PCDH15: variants seen among roughly 807,000 people sequenced by gnomAD.
The protein encoded by PCDH15 is protocadherin-15.
A neutral mutation model predicts 178.5 loss-of-function variants in PCDH15; 129 were observed. The observed-to-expected ratio is 0.72, with a 90% confidence interval of 0.63 to 0.84. The LOEUF (loss-of-function observed/expected upper bound fraction) is 0.84, where lower values mean the gene tolerates loss of function less well. PCDH15 is among the 40% of genes least tolerant of loss of function. The probability of loss-of-function intolerance (pLI) is 0.00; values close to 1 mark genes in which losing one functional copy is unlikely to be tolerated. For synonymous variants in PCDH15, 800 were observed against 732.0 expected (o/e 1.09, Z -1.50); for missense variants, 2,230 against 2,099.9 (o/e 1.06, Z -1.21).
chr10:54,204,968 T>G (rs2050636577), intron 10 of PCDH15, among the ~76,000 whole-genome samples: 1 of 152,186 alleles, frequency 6.6e-6, no homozygotes, highest in African/African-American at 2.4e-5. Flanking sequence ...ATATCTGACA[T>G]GTATCTGCTG....
chr10:54,789,880 T>C (rs904549663), intron 1 of PCDH15, among the ~76,000 whole-genome samples: 1 of 151,948 alleles, frequency 6.6e-6, no homozygotes, highest in Non-Finnish European at 1.5e-5. Flanking sequence ...AAGGTCATAA[T>C]TATTTAAAGC....
chr10:54,923,545 A>G (rs1837546530), intron 2 of PCDH15, among the ~76,000 whole-genome samples: 1 of 137,956 alleles, frequency 7.2e-6, no homozygotes, highest in African/African-American at 2.5e-5. Context: ...CCTTGTGAGT[A>G]CATGTGAGCT....
At chr10:54,952,553 T>TGATTGA (rs1838371808) in intron 2 of PCDH15, among the ~76,000 whole-genome samples, 2 of 151,822 alleles carry the variant, frequency 1.3e-5, no homozygotes, top group South Asian at 4.1e-4. Context: ...CTTGGGATTT[T>TGATTGA]GATTGAGATT....
intron 2 of PCDH15, among the ~76,000 whole-genome samples, chr10:54,561,455 A>G (rs964486184): frequency 6.6e-6 from 1 of 152,184 alleles, no homozygotes; most frequent in Non-Finnish European, 1.5e-5. Context: ...TTAATCAGGG[A>G]CTTCTGGCTT....
chr10:54,206,320 T>C (rs1277506729), intron 10 of PCDH15, among the ~76,000 whole-genome samples: 1 of 152,140 alleles, frequency 6.6e-6, no homozygotes, highest in Non-Finnish European at 1.5e-5. Flanking sequence ...CTCTCACTTA[T>C]CACCGACATG....
intron 1 of PCDH15, among the ~76,000 whole-genome samples, chr10:55,309,453 G>C (rs1159102868): frequency 6.6e-6 from 1 of 151,696 alleles, no homozygotes; most frequent in Non-Finnish European, 1.5e-5. Context: ...GTAGGTCGAG[G>C]CTGCAGCGAG....
At chr10:54,603,805 A>G (rs1422620881) in intron 2 of PCDH15, among the ~76,000 whole-genome samples, 1 of 151,918 alleles carries the variant, frequency 6.6e-6, no homozygotes, top group Non-Finnish European at 1.5e-5. Flanking sequence ...AGATTTTACA[A>G]TTTCACATTC....
chr10:54,421,897 A>ATATATATATACAC lies in PCDH15; in HGVS notation c.158-42956_158-42955insGTGTATATATATA, dbSNP rs1955522032. 1.2e-4 allele frequency among the ~76,000 whole-genome samples: 9 copies of ATATATATATACAC among 75,920 alleles called. 2 individuals carry two copies. The highest frequency in any genetic ancestry group is 2.0e-4 in the Non-Finnish European group (8 of 39,890). The allele number at this position is 75,920 out of a possible 152,430, so 49.8% of individuals were successfully genotyped here. A position where few individuals can be genotyped will look rare whatever the true frequency, so the allele number is the denominator to read the frequency against. ...ATATATATATATACACACACACACT[A>ATATATATATACAC]TATATATATATACACTATATATATA... On this transcript the variant is annotated intron_variant, in intron 3 of 37. Coordinates refer to ENST00000644397, the MANE Select transcript of PCDH15 (RefSeq NM_001384140.1).
intron 1 of PCDH15, among the ~76,000 whole-genome samples, chr10:55,255,336 T>C (rs2132228528): frequency 6.6e-6 from 1 of 152,382 alleles, no homozygotes; most frequent in South Asian, 2.1e-4. Context: ...CCACATTTTC[T>C]TAATCCAGTC....
At chr10:54,335,786 T>C (rs77809156) in intron 6 of PCDH15, among the ~76,000 whole-genome samples, 5 of 152,100 alleles carry the variant, frequency 3.3e-5, no homozygotes, top group Non-Finnish European at 7.4e-5. Flanking sequence ...AAATTGGCAC[T>C]GGTAGAGTGG....
At chr10:54,913,206 A>G (rs1455734182) in intron 2 of PCDH15, among the ~76,000 whole-genome samples, 1 of 152,202 alleles carries the variant, frequency 6.6e-6, no homozygotes, top group Non-Finnish European at 1.5e-5. Context: ...AAAGCTTTTC[A>G]GAGAACTTGT....
intron 1 of PCDH15, among the ~76,000 whole-genome samples, chr10:54,776,872 G>GA (rs1384999721): frequency 6.6e-6 from 1 of 152,106 alleles, no homozygotes; most frequent in Non-Finnish European, 1.5e-5. Context: ...AAGGAGACTG[G>GA]AGGCAATGTG....
intron 2 of PCDH15, among the ~76,000 whole-genome samples, chr10:55,593,148 A>T (rs1842875497): frequency 6.6e-6 from 1 of 152,008 alleles, no homozygotes; most frequent in Non-Finnish European, 1.5e-5. Flanking sequence ...TTAAAATAGC[A>T]TTTAGTGACC....
intron 8 of PCDH15, among the ~76,000 whole-genome samples, chr10:54,274,704 G>A (rs976617823): frequency 2.0e-5 from 3 of 150,420 alleles, no homozygotes; most frequent in South Asian, 2.1e-4. Context: ...AATGACTGAC[G>A]TGTTCGTATT....
chr10:54,951,380 A>G (rs144547901), intron 2 of PCDH15, among the ~76,000 whole-genome samples: 74 of 152,008 alleles, frequency 4.9e-4, no homozygotes, highest in African/African-American at 1.7e-3. Flanking sequence ...TTTCCTCCAT[A>G]TATTTTTGTG....
At chr10:53,861,008 A>G (rs2079073014) in intron 27 of PCDH15, among the ~76,000 whole-genome samples, 1 of 152,116 alleles carries the variant, frequency 6.6e-6, no homozygotes, top group South Asian at 2.1e-4. Flanking sequence ...AATCTCCTGA[A>G]TGTGCTAATG....
At chr10:55,508,237 G>A (rs1166936069) in intron 2 of PCDH15, among the ~76,000 whole-genome samples, 1 of 151,652 alleles carries the variant, frequency 6.6e-6, no homozygotes, top group Non-Finnish European at 1.5e-5. Flanking sequence ...TGTAAGGACT[G>A]TGCTATCCTT....
At chr10:55,561,065 G>T (rs1842188114) in intron 2 of PCDH15, among the ~76,000 whole-genome samples, 1 of 151,682 alleles carries the variant, frequency 6.6e-6, no homozygotes, top group Non-Finnish European at 1.5e-5. Context: ...GGAGACAAAA[G>T]AGAATATATA....
At chr10:54,437,643 T>G (rs1035592695) in intron 3 of PCDH15, among the ~76,000 whole-genome samples, 3 of 152,172 alleles carry the variant, frequency 2.0e-5, no homozygotes, top group African/African-American at 7.2e-5. Context: ...ATTGTCCAGT[T>G]AGGCCTGATT....
Sources: gnomAD v4.1 joint callset for allele counts (sites outside exome capture counted in the v4.1 genomes callset) on GRCh38, gnomAD v4.1.1 for gene constraint, MANE v1.5 for transcripts, NCBI Gene and HGNC (gene_info 2026-07-23, HGNC 2026-07-21) for gene names.